The following RANBP9 variants were observed in gnomAD, a reference collection of about 807,000 sequenced individuals.
RANBP9 encodes the protein RAN binding protein 9.
A neutral mutation model predicts 84.3 loss-of-function variants in RANBP9; 15 were observed. That is an observed-to-expected ratio of 0.18 (90% confidence interval 0.12 to 0.27). The LOEUF is 0.27. Ranked by LOEUF, RANBP9 falls within the 10% of genes least tolerant of loss-of-function variation. The probability of loss-of-function intolerance (pLI) is 1.00; values close to 1 mark genes in which losing one functional copy is unlikely to be tolerated. For missense variants in RANBP9, 809 were observed against 912.8 expected (o/e 0.89, Z 1.46); for synonymous variants, 392 against 349.6 (o/e 1.12, Z -1.35).
Position 13,696,455 on chromosome 6 carries a change from T to A in RANBP9, c.683+330A>T, listed in dbSNP as rs112289509. ...CACCAACTGACTATGATTACTAGTTTGAGAGGATTTAACTTCTTAGCAGAA... is the reference window on the plus strand; with the variant it reads ...CACCAACTGACTATGATTACTAGTTAGAGAGGATTTAACTTCTTAGCAGAA... On this transcript the variant is annotated intron_variant, in intron 2 of 13. Transcript: ENST00000011619. Among the ~76,000 whole-genome samples the A allele has an allele frequency of 3.3e-3, 499 of 152,336 alleles. 8 individuals carry two copies. The highest frequency in any genetic ancestry group is 0.011 in the African/African-American group (465 of 41,572).
chr6:13,675,644 T>G (rs1005269595), intron 2 of RANBP9, among the ~76,000 whole-genome samples: 10 of 148,222 alleles, frequency 6.7e-5, no homozygotes, highest in African/African-American at 2.5e-4. Context: ...TTTTAAAAAA[T>G]AAAATAAAAT....
intron 5 of RANBP9, among the ~76,000 whole-genome samples, chr6:13,648,385 G>A (rs373765419): frequency 2.0e-5 from 3 of 151,744 alleles, no homozygotes; most frequent in East Asian, 3.9e-4. Context: ...TGATCCGCCC[G>A]CCTTGGCCTC....
intron 5 of RANBP9, among the ~76,000 whole-genome samples, chr6:13,646,814 G>T (rs1355632660): frequency 1.3e-5 from 2 of 151,986 alleles, no homozygotes; most frequent in African/African-American, 4.8e-5. Flanking sequence ...AAATTCAGGA[G>T]GACAAAGACT....
chr6:13,641,432 T>C (rs1765060344), intron 7 of RANBP9, 125 bp from the exon 8 acceptor site: 1 of 612,062 alleles, frequency 1.6e-6, no homozygotes, highest in Non-Finnish European at 2.8e-6. Flanking sequence ...TCAATTTCTT[T>C]CTCTAACATC....
At chr6:13,678,386 T>C (rs1765946161) in intron 2 of RANBP9, among the ~76,000 whole-genome samples, 1 of 152,266 alleles carries the variant, frequency 6.6e-6, no homozygotes, top group African/African-American at 2.4e-5. Context: ...CTATATTTTA[T>C]TATGTTTTGG....
intron 12 of RANBP9, among the ~76,000 whole-genome samples, chr6:13,627,104 T>A (rs532950430): frequency 1.3e-5 from 2 of 152,294 alleles, no homozygotes; most frequent in East Asian, 3.9e-4. Flanking sequence ...AAGATAAAAA[T>A]TATTTACTAT....
chr6:13,696,716 TACATCATA>T lies in RANBP9; in HGVS notation c.683+61_683+68del. 2.3e-6 allele frequency: 3 copies of T among 1,296,054 alleles called. No individual in the cohort carries two copies. In the East Asian group the frequency reaches 7.1e-5, roughly 31 times the overall value. The allele number at this position is 1,296,054 out of a possible 1,614,324, so 80.3% of individuals were successfully genotyped here. On this transcript the variant is annotated intron_variant, in intron 2 of 13. Coordinates refer to ENST00000011619, the MANE Select transcript of RANBP9 (RefSeq NM_005493.3). ...ATTTCCAGGATTCCAACTTTCCAAT[TACATCATA>T]AACATTATGAACCAAAACAAAAAAA... is the stretch of plus-strand genomic sequence containing the variant.
chr6:13,650,187 G>A (rs1202990686), intron 5 of RANBP9, among the ~76,000 whole-genome samples: 1 of 148,800 alleles, frequency 6.7e-6, no homozygotes, highest in Non-Finnish European at 1.5e-5. Context: ...TTTTAGTAGA[G>A]GTGAGATCTC....
chr6:13,636,861 A>AT (rs540231662), intron 10 of RANBP9, among the ~76,000 whole-genome samples: 19 of 151,660 alleles, frequency 1.3e-4, no homozygotes, highest in Admixed American at 5.2e-4. Flanking sequence ...TCAAATACAG[A>AT]TTTTTTTTTA....
chr6:13,631,025 G>T (rs1398024529), intron 12 of RANBP9, among the ~76,000 whole-genome samples: 1 of 151,900 alleles, frequency 6.6e-6, no homozygotes. Context: ...TAGCAGGATG[G>T]TCTCAATCTC....
intron 5 of RANBP9, among the ~76,000 whole-genome samples, chr6:13,648,427 C>A (rs561402814): frequency 1.3e-5 from 2 of 152,116 alleles, no homozygotes; most frequent in South Asian, 2.1e-4. Flanking sequence ...CGTGAGCCAC[C>A]GCACCCAGAT....
intron 1 of RANBP9, among the ~76,000 whole-genome samples, chr6:13,710,160 G>A (rs764853463): frequency 7.2e-5 from 11 of 152,186 alleles, no homozygotes; most frequent in Non-Finnish European, 1.6e-4. Context: ...CAAGCCTAAG[G>A]TTGTTGTTTT....
intron 2 of RANBP9, among the ~76,000 whole-genome samples, chr6:13,660,500 A>G (rs1765517485): frequency 6.6e-6 from 1 of 152,172 alleles, no homozygotes; most frequent in South Asian, 2.1e-4. Context: ...GTGATAGACC[A>G]GGACTCTTGT....
chr6:13,694,925 G>T (rs1000806729), intron 2 of RANBP9, among the ~76,000 whole-genome samples: 1 of 152,080 alleles, frequency 6.6e-6, no homozygotes, highest in African/African-American at 2.4e-5. Context: ...ACAGATAAGG[G>T]GAGTCTCCCA....
chr6:13,685,106 A>G (rs1406779182), intron 2 of RANBP9, among the ~76,000 whole-genome samples: 2 of 152,232 alleles, frequency 1.3e-5, no homozygotes, highest in Non-Finnish European at 2.9e-5. Flanking sequence ...CATGTGCATC[A>G]TAAGCCTTAA....
rs562749355 is a variant in RANBP9 at position 13,706,275 on chromosome 6, C to T, written c.571+4660G>A. 3.3e-3 allele frequency among the ~76,000 whole-genome samples: 508 copies of T among 152,248 alleles called. 2 individuals carry two copies. Among genetic ancestry groups the T allele is most frequent in the African/African-American group, 0.012 (494 of 41,560 alleles). On this transcript the variant is annotated intron_variant, in intron 1 of 13. Coordinates refer to ENST00000011619, the MANE Select transcript of RANBP9 (RefSeq NM_005493.3). ...AGGAAAATGGCGTGAACGCGGGAGG[C>T]GGAGCTTGCAGTGAGCCGAGATGGC...
rs1241254838 is a variant in RANBP9 at position 13,711,531 on chromosome 6, A to C, written c.-26T>G. ...CCCGGCCGCGACTCAGCCTGCGGCC[A>C]CCTCCACCTCTTCTCTCCTTCCTCC... On this transcript the variant is annotated 5_prime_UTR_variant, in exon 1 of 14. Transcript: ENST00000011619. The C allele has an allele frequency of 4.0e-6, 5 of 1,241,968 alleles. No individual in the cohort carries two copies. Among genetic ancestry groups the C allele is most frequent in the Non-Finnish European group, 5.1e-6 (5 of 988,894 alleles). 76.9% of individuals were successfully genotyped at this position (1,241,968 alleles called of 1,614,324 possible).
chr6:13,639,914 T>C (rs1267942120), intron 8 of RANBP9, among the ~76,000 whole-genome samples, 161 bp from the exon 9 acceptor site: 4 of 152,206 alleles, frequency 2.6e-5, no homozygotes, highest in African/African-American at 9.6e-5. Flanking sequence ...CTTTAATGCT[T>C]AGAATTTTAG....
intron 2 of RANBP9, among the ~76,000 whole-genome samples, chr6:13,659,288 ACACACACG>A: frequency 6.6e-6 from 1 of 151,328 alleles, no homozygotes; most frequent in South Asian, 2.1e-4. Context: ...ACACACACAC[ACACACACG>A]GAAATATGGA....
Sources: allele counts gnomAD v4.1 joint callset (sites outside exome capture counted in the v4.1 genomes callset), GRCh38; gene constraint gnomAD v4.1.1; transcripts MANE v1.5; gene names NCBI Gene and HGNC (gene_info 2026-07-23, HGNC 2026-07-21).